SND1: variants seen among roughly 807,000 people sequenced by gnomAD.
The protein encoded by SND1 is staphylococcal nuclease and tudor domain containing 1.
In SND1, 38 loss-of-function variants were observed where a neutral mutation model predicts 121.7. That is an observed-to-expected ratio of 0.31 (90% confidence interval 0.24 to 0.41). SND1 has a LOEUF of 0.41. Among genes scored for constraint, SND1 ranks in the 10% least tolerant of loss-of-function variants. SND1 has a pLI of 1.00. For missense variants in SND1, 868 were observed against 1,184.6 expected, an observed-to-expected ratio of 0.73 and a Z score of 3.92; for synonymous variants, 401 against 447.4, an observed-to-expected ratio of 0.90 and a Z score of 1.31.
chr7:128,010,773 A>G (rs776819259), intron 16 of SND1, among the ~76,000 whole-genome samples: 5 of 152,188 alleles, frequency 3.3e-5, no homozygotes, highest in Non-Finnish European at 7.3e-5. Context: ...TGAAGTATGC[A>G]GATCTCCATG....
chr7:127,703,367 C>G (rs1477073739), intron 7 of SND1, 44 bp downstream of exon 7: 16 of 1,598,678 alleles, frequency 1.0e-5, no homozygotes, highest in Non-Finnish European at 9.4e-6. Flanking sequence ...GCTAGGGATG[C>G]ATTTGGGGTT....
chr7:127,671,408 G>T (rs542233958), intron 1 of SND1, among the ~76,000 whole-genome samples: 1 of 152,256 alleles, frequency 6.6e-6, no homozygotes, highest in South Asian at 2.1e-4. Context: ...AATCTATTGA[G>T]TACTGATGGT....
chr7:128,086,994 G>T lies in SND1; in HGVS notation c.2361G>T (p.Arg787=). The change falls in exon 21 of 24, where the codon CGG becomes CGT. Residue 787 remains arginine (R), a synonymous_variant. Transcript: ENST00000354725. ...CCCTATCACCTGCCTTCAGCACTCG[G>T]GTGCTGCCAGCTCAAGCCACGGAGT... is the stretch of plus-strand genomic sequence containing the variant. ...LGTLSPAFST[R]VLPAQATEYA... is the part of the protein sequence containing the mutation. 1 of 1,614,208 alleles carries T rather than the reference G, an allele frequency of 6.2e-7. No individual in the cohort carries two copies. The highest frequency in any genetic ancestry group is 8.5e-7 in the Non-Finnish European group (1 of 1,180,042).
At chr7:128,035,868 C>A (rs1230681439) in intron 16 of SND1, among the ~76,000 whole-genome samples, 1 of 152,180 alleles carries the variant, frequency 6.6e-6, no homozygotes, top group African/African-American at 2.4e-5. Flanking sequence ...CAAGGCTAGA[C>A]CACTCCCTAA....
Position 128,010,169 on chromosome 7 carries a change from A to C in SND1, c.1779+19113A>C, listed in dbSNP as rs147940752. 1.6e-4 allele frequency among the ~76,000 whole-genome samples: 24 copies of C among 152,326 alleles called. No individual in the cohort carries two copies. In the East Asian group the frequency reaches 3.5e-3, roughly 22 times the overall value. ...TGGTCCTTTTGGCACCTGAACTGAAAATCCCTTTTCCCATAGCTCTTTCAA... is the reference window on the plus strand; with the variant it reads ...TGGTCCTTTTGGCACCTGAACTGAACATCCCTTTTCCCATAGCTCTTTCAA... On this transcript the variant is annotated intron_variant, in intron 16 of 23. Transcript: ENST00000354725.
chr7:127,771,867 A>G (rs898538154), intron 10 of SND1, among the ~76,000 whole-genome samples: 2 of 152,170 alleles, frequency 1.3e-5, no homozygotes, highest in African/African-American at 4.8e-5. Flanking sequence ...TCTGCTTGGT[A>G]AATTGCCCAG....
At chr7:127,726,797 G>A (rs1344671984) in intron 10 of SND1, among the ~76,000 whole-genome samples, 2 of 152,166 alleles carry the variant, frequency 1.3e-5, no homozygotes, top group African/African-American at 4.8e-5. Flanking sequence ...AATTTACCTT[G>A]AAAACAGGTA....
intron 10 of SND1, among the ~76,000 whole-genome samples, chr7:127,744,608 C>CT (rs1796945316): frequency 1.3e-5 from 2 of 152,140 alleles, no homozygotes; most frequent in South Asian, 4.1e-4. Context: ...CTGCCCTATG[C>CT]TTTTTCTCAA....
At chr7:128,042,750 C>A (rs534695510) in intron 16 of SND1, among the ~76,000 whole-genome samples, 1 of 152,150 alleles carries the variant, frequency 6.6e-6, no homozygotes. Flanking sequence ...AAATTCTTTA[C>A]CAAATTGAGA....
chr7:128,031,456 G>A (rs1482798907), intron 16 of SND1: 1 of 151,786 alleles, frequency 6.6e-6, no homozygotes, highest in Non-Finnish European at 1.5e-5. Context: ...GCGGAGCGGC[G>A]AGAGTTAAGA....
At chr7:127,715,126 C>T (rs1796364259) in intron 9 of SND1, among the ~76,000 whole-genome samples, 1 of 149,936 alleles carries the variant, frequency 6.7e-6, no homozygotes, top group Non-Finnish European at 1.5e-5. Flanking sequence ...TGTACATCCT[C>T]ACCAACATTT....
At chr7:127,843,472 A>C (rs1799000839) in intron 11 of SND1, among the ~76,000 whole-genome samples, 1 of 152,160 alleles carries the variant, frequency 6.6e-6, no homozygotes, top group Non-Finnish European at 1.5e-5. Flanking sequence ...CTTTTCTAGA[A>C]TGTCGTATAG....
chr7:127,829,521 C>T (rs1798701383), intron 11 of SND1, among the ~76,000 whole-genome samples: 1 of 152,176 alleles, frequency 6.6e-6, no homozygotes, highest in African/African-American at 2.4e-5. Flanking sequence ...AATGAAAACT[C>T]TTCTCCTTAG....
In SND1 at chr7:127,673,513, T is replaced by C. The variant is rs151075631; in HGVS notation, c.79-13100T>C. Among the ~76,000 whole-genome samples the C allele has an allele frequency of 1.2e-3, 190 of 152,252 alleles. 4 individuals are homozygous for C. In the East Asian group the frequency reaches 0.032, roughly 25 times the overall value. On this transcript the variant is annotated intron_variant, in intron 1 of 23. Coordinates refer to ENST00000354725, the MANE Select transcript of SND1 (RefSeq NM_014390.4). ...TTTTAGTAGAGACGGGGTTTTGCCA[T>C]GTTGGCCAGGCTGATCTCCAGCTCC...
chr7:127,735,217 T>C (rs1796753099), intron 10 of SND1, among the ~76,000 whole-genome samples: 1 of 151,842 alleles, frequency 6.6e-6, no homozygotes, highest in African/African-American at 2.4e-5. Context: ...GACCTGGAGG[T>C]TGGTTGGGTG....
At chr7:128,027,570 A>C (rs529120187) in intron 16 of SND1, 2 of 152,268 alleles carry the variant, frequency 1.3e-5, no homozygotes, top group African/African-American at 2.4e-5. Context: ...CTAATGAATC[A>C]GCATTTAGAA....
chr7:127,798,553 T>G (rs1798068117), intron 10 of SND1, among the ~76,000 whole-genome samples: 1 of 152,246 alleles, frequency 6.6e-6, no homozygotes, highest in Non-Finnish European at 1.5e-5. Flanking sequence ...TATTGAATTC[T>G]CCCATTTTTA....
At chr7:128,062,737 T>C (rs1280079142) in intron 16 of SND1, among the ~76,000 whole-genome samples, 1 of 152,138 alleles carries the variant, frequency 6.6e-6, no homozygotes, top group Non-Finnish European at 1.5e-5. Flanking sequence ...CACCCTGACA[T>C]GGGACACTCC....
At chr7:128,074,147 G>A (rs976568593) in intron 16 of SND1, among the ~76,000 whole-genome samples, 3 of 152,212 alleles carry the variant, frequency 2.0e-5, no homozygotes, top group Non-Finnish European at 4.4e-5. Context: ...TTCTAGCACA[G>A]AGCTGGGGAG....
Sources: allele counts gnomAD v4.1 joint callset (sites outside exome capture counted in the v4.1 genomes callset), GRCh38; gene constraint gnomAD v4.1.1; transcripts MANE v1.5; gene names NCBI Gene and HGNC (gene_info 2026-07-23, HGNC 2026-07-21).